TMEM117: variants seen among roughly 807,000 people sequenced by gnomAD.
TMEM117 encodes transmembrane protein 117.
In TMEM117, 27 loss-of-function variants were observed where a neutral mutation model predicts 52.4. That is an observed-to-expected ratio of 0.51 (90% CI 0.38 to 0.71). The LOEUF (loss-of-function observed/expected upper bound fraction) is 0.71, where lower values mean the gene tolerates loss of function less well. Ranked by LOEUF, TMEM117 falls within the 30% of genes least tolerant of loss-of-function variation. The probability of loss-of-function intolerance (pLI) is 0.00; values close to 1 mark genes in which losing one functional copy is unlikely to be tolerated. For missense variants in TMEM117, 556 were observed against 630.5 expected (o/e 0.88, Z 1.26); for synonymous variants, 215 against 206.3 (o/e 1.04, Z -0.36).
At chr12:43,961,819 T>G (rs1461167008) in intron 3 of TMEM117, among the ~76,000 whole-genome samples, 1 of 152,160 alleles carries the variant, frequency 6.6e-6, no homozygotes, top group Non-Finnish European at 1.5e-5. Flanking sequence ...GTGGTGAGTA[T>G]GTAGGAAATA....
At chr12:43,823,273 A>G in the TMEM117 span, among the ~76,000 whole-genome samples, 1 of 152,168 alleles carries the variant, frequency 6.6e-6, no homozygotes, top group Non-Finnish European at 1.5e-5. Flanking sequence ...AGATATGGGT[A>G]TGTGTCTCAG....
intron 6 of TMEM117, among the ~76,000 whole-genome samples, chr12:44,328,279 G>T (rs1001055992): frequency 6.6e-6 from 1 of 152,062 alleles, no homozygotes; most frequent in African/African-American, 2.4e-5. Context: ...TCTTAGTATT[G>T]CCACCATTTG....
chr12:44,388,507 C>G lies in TMEM117; in HGVS notation c.1380C>G (p.Pro460=). Residue 460 remains proline, a synonymous_variant, in exon 8 of 8, where the codon CCC becomes CCG. Coordinates refer to ENST00000266534, the MANE Select transcript of TMEM117 (RefSeq NM_032256.3). ...ACACCCAGGCTTCAGTAGAAGACCCCTTGAATGACCCTTCTTTGGTTTGCA... is the reference window on the plus strand; with the variant it reads ...ACACCCAGGCTTCAGTAGAAGACCCGTTGAATGACCCTTCTTTGGTTTGCA... ...RENTQASVED[P]LNDPSLVCIR... 1 of 1,613,512 alleles carries G rather than the reference C, an allele frequency of 6.2e-7. No individual in the cohort carries two copies. Among genetic ancestry groups the G allele is most frequent in the Non-Finnish European group, 8.5e-7 (1 of 1,179,652 alleles).
At chr12:43,833,302 T>C (rs559503254), upstream of TMEM117, among the ~76,000 whole-genome samples, 4 of 152,332 alleles carry the variant, frequency 2.6e-5, 1 homozygote, top group Admixed American at 1.3e-4. Context: ...TAGACACTCA[T>C]GTAGTTCAAT....
At position 44,167,029 on chromosome 12, in the gene TMEM117, C is replaced by T. The variant is rs531525873; in HGVS notation, c.510+23405C>T. On this transcript the variant is annotated intron_variant, in intron 4 of 7. Coordinates refer to ENST00000266534, the MANE Select transcript of TMEM117 (RefSeq NM_032256.3). Reference sequence around the variant, plus strand: ...CTCTTTCTTAAAGGATTTCCAGTCTCTTGTGGGATTATTACATCTTTTTTC... The same window carrying T: ...CTCTTTCTTAAAGGATTTCCAGTCTTTTGTGGGATTATTACATCTTTTTTC... Among the ~76,000 whole-genome samples the T allele has an allele frequency of 1.5e-3, 226 of 152,296 alleles. 2 individuals carry two copies. The highest frequency in any genetic ancestry group is 5.1e-3 in the African/African-American group (212 of 41,538).
intron 3 of TMEM117, among the ~76,000 whole-genome samples, chr12:44,044,042 A>G (rs769130943): frequency 1.4e-4 from 21 of 152,218 alleles, no homozygotes; most frequent in Non-Finnish European, 2.2e-4. Context: ...ATGTAGAGGA[A>G]GGAATCCAAA....
intron 2 of TMEM117, among the ~76,000 whole-genome samples, chr12:43,942,032 A>T (rs906529690): frequency 6.6e-6 from 1 of 152,248 alleles, no homozygotes; most frequent in Non-Finnish European, 1.5e-5. Flanking sequence ...AGGAACTCTA[A>T]TTGCCGGTCT....
At chr12:43,851,567 A>G (rs747854580) in intron 2 of TMEM117, among the ~76,000 whole-genome samples, 1 of 152,168 alleles carries the variant, frequency 6.6e-6, no homozygotes, top group Admixed American at 6.5e-5. Context: ...TATGCCTACA[A>G]TTAGGACTTA....
In TMEM117 at chr12:44,279,562, G is replaced by A. The variant is rs369367029; in HGVS notation, c.609-20018G>A. Among the ~76,000 whole-genome samples the A allele has an allele frequency of 1.1e-4, 16 of 144,134 alleles. No individual in the cohort carries two copies. The East Asian group carries it at 2.0e-3, about 18-fold the overall frequency. The allele number at this position is 144,134 out of a possible 152,430, so 94.6% of individuals were successfully genotyped here. A position where few individuals can be genotyped will look rare whatever the true frequency, so the allele number is the denominator to read the frequency against. ...GGAGTCTTGCTCTGTTGCACAGGCT[G>A]TAGTACAGTGGCATAATCTCGGCTC... On this transcript the variant is annotated intron_variant, in intron 5 of 7. Transcript: ENST00000266534.
chr12:44,148,603 A>AT (rs1209469816), intron 4 of TMEM117, among the ~76,000 whole-genome samples: 2 of 151,878 alleles, frequency 1.3e-5, no homozygotes, highest in African/African-American at 2.4e-5. Context: ...TTTCAGAGAG[A>AT]TTTTATCATT....
At chr12:43,941,393 G>C (rs899179051) in intron 2 of TMEM117, among the ~76,000 whole-genome samples, 18 of 152,154 alleles carry the variant, frequency 1.2e-4, no homozygotes, top group African/African-American at 4.1e-4. Context: ...AAGAAAGGAA[G>C]GGGTTACTAT....
chr12:43,958,273 G>A (rs1443291605), intron 3 of TMEM117, among the ~76,000 whole-genome samples: 2 of 152,130 alleles, frequency 1.3e-5, no homozygotes, highest in South Asian at 4.2e-4. Flanking sequence ...TTAGACATTT[G>A]ACTCACTGGT....
chr12:44,276,520 C>G (rs1022231433), intron 5 of TMEM117, among the ~76,000 whole-genome samples: 2 of 151,870 alleles, frequency 1.3e-5, no homozygotes, highest in Admixed American at 6.6e-5. Context: ...GGTCAAAGGA[C>G]AAAAAGTTTC....
chr12:43,884,982 C>T (rs980752385), intron 2 of TMEM117, among the ~76,000 whole-genome samples: 4 of 152,332 alleles, frequency 2.6e-5, no homozygotes, highest in Admixed American at 6.5e-5. Flanking sequence ...ACGCTCGCAA[C>T]GTATTTTCAT....
intron 4 of TMEM117, among the ~76,000 whole-genome samples, chr12:44,180,802 G>A (rs373982220): frequency 1.1e-4 from 17 of 151,894 alleles, no homozygotes; most frequent in Admixed American, 3.3e-4. Context: ...GAATAATGCC[G>A]CAATAAACAT....
At chr12:44,248,151 G>T (rs1302888113) in intron 5 of TMEM117, among the ~76,000 whole-genome samples, 1 of 152,028 alleles carries the variant, frequency 6.6e-6, no homozygotes, top group Admixed American at 6.6e-5. Context: ...GTGGTTCAGG[G>T]AACAAACCCT....
intron 2 of TMEM117, among the ~76,000 whole-genome samples, chr12:43,920,061 T>G (rs1311251184): frequency 6.6e-6 from 1 of 152,070 alleles, no homozygotes; most frequent in Non-Finnish European, 1.5e-5. Context: ...TGTCAATAGT[T>G]AATCTCTGCA....
intron 5 of TMEM117, among the ~76,000 whole-genome samples, chr12:44,285,625 G>A (rs1180460037): frequency 6.6e-6 from 1 of 152,168 alleles, no homozygotes; most frequent in African/African-American, 2.4e-5. Context: ...AAAGAGCAAC[G>A]TTGACCTCAT....
chr12:43,991,784 T>A (rs748182221), intron 3 of TMEM117, among the ~76,000 whole-genome samples: 1 of 152,166 alleles, frequency 6.6e-6, no homozygotes, highest in African/African-American at 2.4e-5. Context: ...TTCCATACTA[T>A]CATCTTAAAT....
Sources: gnomAD v4.1 joint callset for allele counts (sites outside exome capture counted in the v4.1 genomes callset) on GRCh38, gnomAD v4.1.1 for gene constraint, MANE v1.5 for transcripts, NCBI Gene and HGNC (gene_info 2026-07-23, HGNC 2026-07-21) for gene names.